Variants in ABCB1 observed in about 807,000 individuals in gnomAD.
The protein encoded by ABCB1 is ATP binding cassette subfamily B member 1.
Under a neutral mutation model 142.0 loss-of-function variants are expected in ABCB1, and 69 were observed. That is an observed-to-expected ratio of 0.49 (90% CI 0.40 to 0.59). The LOEUF (loss-of-function observed/expected upper bound fraction) is 0.59, where lower values mean the gene tolerates loss of function less well. Ranked by LOEUF, ABCB1 falls within the 20% of genes least tolerant of loss-of-function variation. ABCB1 has a pLI of 0.00. For synonymous variants in ABCB1, 532 were observed against 539.2 expected, an observed-to-expected ratio of 0.99 and a Z score of 0.18; for missense variants, 1,326 against 1,554.7, an observed-to-expected ratio of 0.85 and a Z score of 2.47.
intron 25 of ABCB1, among the ~76,000 whole-genome samples, chr7:87,511,739 C>T (rs1815016866): frequency 6.6e-6 from 1 of 152,184 alleles, no homozygotes; most frequent in African/African-American, 2.4e-5. Context: ...AACACTAATA[C>T]CTCACAACTG....
At chr7:87,709,799 TGAAA>T (rs1302237662) in intron 1 of ABCB1, among the ~76,000 whole-genome samples, 10 of 152,182 alleles carry the variant, frequency 6.6e-5, no homozygotes, top group Admixed American at 3.9e-4. Context: ...TAGAGATTTG[TGAAA>T]GAGTTGAGTG....
rs2117067856 is a variant in ABCB1 at position 87,509,360 on chromosome 7, T to A, written c.3404A>T (p.Asp1135Val). Reference protein sequence around the residue: ...CSIAENIAYGDNSRVVSQEEI... With the variant: ...CSIAENIAYGVNSRVVSQEEI... Reference sequence around the variant, plus strand: ...TTCCTGTGACACCACCCGGCTGTTGTCTCCATAGGCAATGTTCTCAGCAAT... The same window carrying A: ...TTCCTGTGACACCACCCGGCTGTTGACTCCATAGGCAATGTTCTCAGCAAT... Residue 1135 changes from aspartate (D) to valine (V), a missense_variant, in exon 26 of 28, where the codon GAC becomes GTC. Coordinates refer to ENST00000622132, the MANE Select transcript of ABCB1 (RefSeq NM_001348946.2). 6.2e-7 allele frequency: 1 copy of A among 1,614,136 alleles called. No individual in the cohort carries two copies. The highest frequency in any genetic ancestry group is 8.5e-7 in the Non-Finnish European group (1 of 1,179,986).
intron 20 of ABCB1, among the ~76,000 whole-genome samples, chr7:87,534,317 G>A (rs371475855): frequency 1.9e-4 from 29 of 152,266 alleles, no homozygotes; most frequent in African/African-American, 7.0e-4. Context: ...ATTGTGCAAT[G>A]TCACATTGCA....
At chr7:87,634,499 G>T (rs1293914372) in intron 1 of ABCB1, among the ~76,000 whole-genome samples, 89 of 136,018 alleles carry the variant, frequency 6.5e-4, no homozygotes, top group African/African-American at 2.3e-3. Context: ...GGGGGTGGGG[G>T]GGGGGGCACC....
intron 10 of ABCB1, 38 bp from the exon 11 acceptor site, chr7:87,550,616 A>T (rs1182242149): frequency 5.0e-6 from 8 of 1,591,588 alleles, no homozygotes; most frequent in Non-Finnish European, 6.9e-6. Context: ...ACTAGGTTAC[A>T]ATAACTACTT....
intron 1 of ABCB1, among the ~76,000 whole-genome samples, chr7:87,649,305 A>G (rs547988172): frequency 6.6e-6 from 1 of 152,334 alleles, no homozygotes; most frequent in East Asian, 1.9e-4. Context: ...AATAGAGCTT[A>G]CAAATAAATC....
chr7:87,564,444 T>C (rs1817704444), intron 7 of ABCB1, among the ~76,000 whole-genome samples: 1 of 152,144 alleles, frequency 6.6e-6, no homozygotes, highest in Non-Finnish European at 1.5e-5. Context: ...CCTGTACCAA[T>C]GCCCTCTAGT....
At chr7:87,603,381 T>C (rs1441867542), upstream of ABCB1, among the ~76,000 whole-genome samples, 1 of 152,188 alleles carries the variant, frequency 6.6e-6, no homozygotes, top group Non-Finnish European at 1.5e-5. Flanking sequence ...CTCATAACTG[T>C]ACTCTTAACC....
At chr7:87,669,329 A>G (rs1227871419) in intron 1 of ABCB1, among the ~76,000 whole-genome samples, 54 of 152,098 alleles carry the variant, frequency 3.6e-4, no homozygotes, top group Non-Finnish European at 1.0e-4. Context: ...TTTGCTTAGT[A>G]GATTTTTCTT....
intron 1 of ABCB1, among the ~76,000 whole-genome samples, chr7:87,696,130 T>C (rs914022073): frequency 2.5e-4 from 38 of 152,152 alleles, no homozygotes; most frequent in African/African-American, 8.4e-4. Context: ...TACTTATAAT[T>C]GAAAGCATAT....
At chr7:87,550,978 AT>A in intron 9 of ABCB1, 140 bp from the exon 10 acceptor site, 1 of 658,166 alleles carries the variant, frequency 1.5e-6, no homozygotes, top group South Asian at 1.7e-5. Flanking sequence ...TGTTAAAAAT[AT>A]TTTAAAAGTT....
intron 8 of ABCB1, among the ~76,000 whole-genome samples, chr7:87,560,779 A>G (rs561652653): frequency 1.3e-5 from 2 of 152,218 alleles, no homozygotes; most frequent in South Asian, 4.1e-4. Context: ...AACAGTTGTA[A>G]GCATAATACT....
At chr7:87,616,683 A>C (rs1820042096) in intron 1 of ABCB1, among the ~76,000 whole-genome samples, 1 of 152,242 alleles carries the variant, frequency 6.6e-6, no homozygotes. Context: ...AAATTACCAT[A>C]TGTACTATCA....
upstream of ABCB1, among the ~76,000 whole-genome samples, chr7:87,602,581 T>C (rs149353773): frequency 8.5e-5 from 13 of 152,294 alleles, no homozygotes; most frequent in East Asian, 2.5e-3. Flanking sequence ...ATGTATCCTT[T>C]TGAATGGCCT....
intron 1 of ABCB1, among the ~76,000 whole-genome samples, chr7:87,621,317 A>G (rs1209804999): frequency 6.6e-6 from 1 of 152,156 alleles, no homozygotes; most frequent in East Asian, 1.9e-4. Context: ...ATGATAAATC[A>G]ATGGATGAAA....
chr7:87,627,332 G>A (rs948784768), intron 1 of ABCB1, among the ~76,000 whole-genome samples: 1 of 152,158 alleles, frequency 6.6e-6, no homozygotes, highest in Non-Finnish European at 1.5e-5. Flanking sequence ...TTCTTTGACA[G>A]AAACTTCAAA....
Position 87,588,800 on chromosome 7 carries a change from T to C in ABCB1, c.118-3120A>G, listed in dbSNP as rs1424100509. On this transcript the variant is annotated intron_variant, in intron 3 of 27. Transcript: ENST00000622132. ...TATAAATGTTCCTTTTTCTCCACAA[T>C]CTTGCCAGCATCTGTTATTTTTTTA... Among the ~76,000 whole-genome samples, 11 of 152,318 alleles carry C rather than the reference T, an allele frequency of 7.2e-5. No homozygotes were observed. In the East Asian group the frequency reaches 2.1e-3, roughly 29 times the overall value.
At chr7:87,662,219 A>T (rs1824781891) in intron 1 of ABCB1, among the ~76,000 whole-genome samples, 1 of 151,924 alleles carries the variant, frequency 6.6e-6, no homozygotes, top group Non-Finnish European at 1.5e-5. Context: ...CACTTTGTTG[A>T]TTGTTTACTT....
intron 1 of ABCB1, among the ~76,000 whole-genome samples, chr7:87,637,042 C>G (rs1821844159): frequency 6.6e-6 from 1 of 152,174 alleles, no homozygotes; most frequent in Non-Finnish European, 1.5e-5. Context: ...CTCGTGAGCT[C>G]TTACTCACTA....
Sources: allele counts gnomAD v4.1 joint callset (sites outside exome capture counted in the v4.1 genomes callset), GRCh38; gene constraint gnomAD v4.1.1; transcripts MANE v1.5; gene names NCBI Gene and HGNC (gene_info 2026-07-23, HGNC 2026-07-21).